NIPBL: variants seen among roughly 807,000 people sequenced by gnomAD.
NIPBL encodes nipped-B-like protein.
Under a neutral mutation model 321.8 loss-of-function variants are expected in NIPBL, and 19 were observed. The observed-to-expected ratio is 0.06, with a 90% CI of 0.04 to 0.09. The LOEUF (loss-of-function observed/expected upper bound fraction) is 0.09, where lower values mean the gene tolerates loss of function less well. Among genes scored for constraint, NIPBL ranks in the 10% least tolerant of loss-of-function variants. NIPBL has a pLI of 1.00. For synonymous variants in NIPBL, 1,106 were observed against 1,114.1 expected, an observed-to-expected ratio of 0.99 and a Z score of 0.14; for missense variants, 2,210 against 3,327.0, an observed-to-expected ratio of 0.66 and a Z score of 8.26.
chr5:36,962,381 G>A (rs1222473836), intron 6 of NIPBL, 107 bp downstream of exon 6: 1 of 1,124,212 alleles, frequency 8.9e-7, no homozygotes, highest in African/African-American at 1.6e-5. Context: ...ATACTATACT[G>A]TATACTTGTC....
intron 1 of NIPBL, among the ~76,000 whole-genome samples, chr5:36,895,328 C>G (rs943005084): frequency 2.0e-5 from 3 of 152,156 alleles, no homozygotes; most frequent in African/African-American, 4.8e-5. Context: ...TGAATATACT[C>G]CATTGTATGG....
chr5:36,952,385 A>G (rs563035610), intron 1 of NIPBL, among the ~76,000 whole-genome samples: 7 of 152,282 alleles, frequency 4.6e-5, no homozygotes, highest in African/African-American at 1.4e-4. Flanking sequence ...TTTTAATCTT[A>G]GCTCTATGGT....
At chr5:37,017,478 C>A (rs1749122297) in intron 24 of NIPBL, among the ~76,000 whole-genome samples, 1 of 151,968 alleles carries the variant, frequency 6.6e-6, no homozygotes, top group Non-Finnish European at 1.5e-5. Flanking sequence ...GGTGATTTAG[C>A]ATACACAATA....
intron 1 of NIPBL, among the ~76,000 whole-genome samples, chr5:36,932,990 T>C (rs1232750151): frequency 6.6e-6 from 1 of 151,856 alleles, no homozygotes; most frequent in Non-Finnish European, 1.5e-5. Context: ...CATGCAGCTC[T>C]CTTGATTTTT....
intron 10 of NIPBL, among the ~76,000 whole-genome samples, chr5:36,991,010 A>G (rs528123261): frequency 5.3e-5 from 8 of 152,088 alleles, no homozygotes; most frequent in Non-Finnish European, 1.0e-4. Context: ...AAAAAATTTA[A>G]TGAAACCCTT....
chr5:37,057,001 A>T, intron 42 of NIPBL, among the ~76,000 whole-genome samples, 185 bp from the exon 43 acceptor site: 2 of 139,198 alleles, frequency 1.4e-5, no homozygotes, highest in African/African-American at 2.7e-5. Context: ...CCCCCTCTAT[A>T]TTTCTCTCCC....
intron 1 of NIPBL, among the ~76,000 whole-genome samples, chr5:36,927,286 G>A (rs919726767): frequency 4.6e-5 from 7 of 152,100 alleles, no homozygotes; most frequent in African/African-American, 1.4e-4. Context: ...TTACTGAGAG[G>A]AGAAAAGAAT....
intron 19 of NIPBL, 152 bp downstream of exon 19, chr5:37,008,240 T>C: frequency 1.6e-6 from 1 of 631,330 alleles, no homozygotes; most frequent in Non-Finnish European, 2.8e-6. Flanking sequence ...TATTAGACTT[T>C]ATTAATTGAG....
chr5:36,946,420 G>A (rs1447528752), intron 1 of NIPBL, among the ~76,000 whole-genome samples: 1 of 151,898 alleles, frequency 6.6e-6, no homozygotes, highest in Non-Finnish European at 1.5e-5. Flanking sequence ...TTAAACATGT[G>A]GATGGTAGCT....
intron 16 of NIPBL, among the ~76,000 whole-genome samples, chr5:37,005,308 C>T (rs377137287): frequency 1.3e-5 from 2 of 152,092 alleles, no homozygotes; most frequent in Non-Finnish European, 2.9e-5. Context: ...TTAGAGAAAC[C>T]TAAAGTAACA....
intron 24 of NIPBL, 125 bp downstream of exon 24, chr5:37,017,287 C>T (rs928365965): frequency 3.1e-5 from 28 of 915,626 alleles, no homozygotes; most frequent in Middle Eastern, 3.4e-4. Flanking sequence ...TAAAAGTGGG[C>T]TTTTCAAAGC....
At chr5:36,993,081 T>C (rs1316959543) in intron 10 of NIPBL, among the ~76,000 whole-genome samples, 2 of 151,844 alleles carry the variant, frequency 1.3e-5, no homozygotes, top group African/African-American at 2.4e-5. Context: ...CCTGGCGGAG[T>C]CCATTTATAA....
At chr5:37,059,655 GA>G (rs1055193010) in intron 44 of NIPBL, among the ~76,000 whole-genome samples, 4 of 151,928 alleles carry the variant, frequency 2.6e-5, no homozygotes, top group Non-Finnish European at 5.9e-5. Context: ...TTATTAAAGG[GA>G]AAAAAACATA....
At chr5:37,007,585 T>C in intron 18 of NIPBL, 111 bp downstream of exon 18, 1 of 745,886 alleles carries the variant, frequency 1.3e-6, no homozygotes, top group Non-Finnish European at 2.2e-6. Flanking sequence ...GAATTTTTCC[T>C]GTTAAGAGTA....
intron 1 of NIPBL, among the ~76,000 whole-genome samples, chr5:36,952,053 T>TGTGCGTGC (rs778597604): frequency 1.8e-5 from 2 of 112,114 alleles, no homozygotes; most frequent in East Asian, 3.5e-4. Flanking sequence ...TGTGTGTGTG[T>TGTGCGTGC]GCGCGCGCGC....
Position 36,877,097 on chromosome 5 carries a change from CA to C in NIPBL, c.-160del, listed in dbSNP as rs1745119188. ...GAGGAGACGGAAGAGGAGCCGTAGC[CA>C]CCCCCCCTCCCGGCCCGGATTATAG... On this transcript the variant is annotated 5_prime_UTR_variant, in exon 1 of 47. The change abolishes the stop of an existing upstream ORF in the 5' untranslated region. Transcript: ENST00000282516. 5.8e-6 allele frequency: 2 copies of C among 346,294 alleles called. No individual in the cohort carries two copies. 21.5% of individuals were successfully genotyped at this position (346,294 alleles called of 1,614,324 possible). A position where few individuals can be genotyped will look rare whatever the true frequency, so the allele number is the denominator to read the frequency against.
At chr5:36,926,420 G>T in intron 1 of NIPBL, among the ~76,000 whole-genome samples, 1 of 152,188 alleles carries the variant, frequency 6.6e-6, no homozygotes, top group East Asian at 1.9e-4. Context: ...ACCCATATAA[G>T]TGCCGCCTTG....
intron 6 of NIPBL, among the ~76,000 whole-genome samples, chr5:36,962,987 G>A (rs1180280738): frequency 6.6e-6 from 1 of 151,960 alleles, no homozygotes; most frequent in African/African-American, 2.4e-5. Context: ...TTACTATACT[G>A]TAATAATTTG....
chr5:37,041,409 G>A (rs545958151), intron 34 of NIPBL, among the ~76,000 whole-genome samples: 1 of 151,526 alleles, frequency 6.6e-6, no homozygotes, highest in South Asian at 2.1e-4. Flanking sequence ...GATTACAGGT[G>A]CACACCACCA....
Sources: allele counts gnomAD v4.1 joint callset (sites outside exome capture counted in the v4.1 genomes callset), GRCh38; gene constraint gnomAD v4.1.1; transcripts MANE v1.5; gene names NCBI Gene and HGNC (gene_info 2026-07-23, HGNC 2026-07-21).